Variants in IGSF9B observed in about 807,000 individuals in gnomAD.
IGSF9B encodes protein turtle homolog B.
In IGSF9B, 48 loss-of-function variants were observed where a neutral mutation model predicts 143.7. The ratio of observed to expected loss-of-function variants is 0.33; its 90% CI spans 0.26 to 0.42. The LOEUF is 0.42. IGSF9B is among the 20% of genes least tolerant of loss of function. The pLI, the probability that IGSF9B is intolerant of heterozygous loss-of-function variation, is 1.00. For missense variants in IGSF9B, 1,706 were observed against 1,980.0 expected, an observed-to-expected ratio of 0.86 and a Z score of 2.63; for synonymous variants, 903 against 833.1, an observed-to-expected ratio of 1.08 and a Z score of -1.44.
At position 133,919,967 on chromosome 11, in the gene IGSF9B, G is replaced by C. The variant is rs371578487; in HGVS notation, c.3758C>G (p.Pro1253Arg). 5.7e-6 allele frequency: 9 copies of C among 1,566,700 alleles called. No homozygotes were observed. In the East Asian group the frequency reaches 9.0e-5, roughly 16 times the overall value. Residue 1253 changes from proline (P) to arginine (R), a missense_variant, in exon 18 of 20, where the codon CCG becomes CGG. By Grantham distance (103) the Pro-to-Arg change is moderately radical (BLOSUM62 -2). Coordinates refer to ENST00000533871, the MANE Select transcript of IGSF9B (RefSeq NM_001277285.4). ...GCTCTGGGAGGGGGAGCCTGTGGAC[G>C]GCGTAGACTTTCGAGAAAAGCTGAC... The part of the protein sequence containing the change: ...AAVSFSRKST[P>R]STGSPSQSSR...
chr11:133,941,394 G>T (rs1939954010), intron 3 of IGSF9B, among the ~76,000 whole-genome samples: 1 of 152,238 alleles, frequency 6.6e-6, no homozygotes, highest in African/African-American at 2.4e-5. Context: ...GAAGGAAAAT[G>T]AGACAATTTG....
chr11:133,944,150 G>C lies in IGSF9B; in HGVS notation c.409+70C>G. 8.0e-6 allele frequency: 12 copies of C among 1,497,622 alleles called. No homozygotes were observed. The South Asian group carries it at 1.6e-4, about 20-fold the overall frequency. The allele number at this position is 1,497,622 out of a possible 1,614,324, so 92.8% of individuals were successfully genotyped here. ...GGGAGAAGGGCTTCCCCTGGGGCAG[G>C]CCCACCCCGGAAACAGCCCTCAGGC... On this transcript the variant is annotated intron_variant, in intron 3 of 19. Transcript: ENST00000533871.
chr11:133,914,584 A>G (rs1237053110), intron 18 of IGSF9B, among the ~76,000 whole-genome samples: 1 of 152,184 alleles, frequency 6.6e-6, no homozygotes, highest in Non-Finnish European at 1.5e-5. Flanking sequence ...CTTGAGAAAC[A>G]GCCAAGCTCC....
chr11:133,949,272 T>C (rs1940116591), intron 1 of IGSF9B, among the ~76,000 whole-genome samples: 1 of 152,096 alleles, frequency 6.6e-6, no homozygotes, highest in South Asian at 2.1e-4. Flanking sequence ...CCCTCTTGCT[T>C]TTCTGGATCC....
rs142598828 is a variant in IGSF9B at position 133,905,930 on chromosome 11, G to A, written c.*3139C>T. 1.3e-3 allele frequency among the ~76,000 whole-genome samples: 204 copies of A among 152,320 alleles called. No homozygotes were observed. Among genetic ancestry groups the A allele is most frequent in the African/African-American group, 4.5e-3 (187 of 41,584 alleles). On this transcript the variant is annotated 3_prime_UTR_variant, in exon 20 of 20. Coordinates refer to ENST00000533871, the MANE Select transcript of IGSF9B (RefSeq NM_001277285.4). The surrounding 1 kb of genome is among the most constrained non-coding windows in gnomAD (Gnocchi z 4.0). ...ACGCAAATGCAGTTGTCCAGGCCCC[G>A]CTAAGAACCGTTTTCCCCTCTTCCT...
chr11:133,922,775 G>T, intron 15 of IGSF9B, 45 bp from the exon 16 acceptor site: 1 of 1,506,022 alleles, frequency 6.6e-7, no homozygotes, highest in South Asian at 1.2e-5. Context: ...CCTTCCCCGG[G>T]ACCTCACCTG....
intron 12 of IGSF9B, 83 bp downstream of exon 12, chr11:133,929,588 C>G (rs565406413): frequency 6.9e-6 from 7 of 1,021,864 alleles, no homozygotes; most frequent in Admixed American, 3.6e-5. Context: ...CTACCTCCCC[C>G]CACCCGGGGT....
At chr11:133,952,738 C>G (rs1591728694) in intron 1 of IGSF9B, among the ~76,000 whole-genome samples, 1 of 152,014 alleles carries the variant, frequency 6.6e-6, no homozygotes, top group Non-Finnish European at 1.5e-5. Context: ...CATGCAGGGG[C>G]ACACACATAT....
intron 1 of IGSF9B, among the ~76,000 whole-genome samples, chr11:133,952,822 T>G (rs1417877247): frequency 3.9e-5 from 6 of 152,146 alleles, no homozygotes; most frequent in Non-Finnish European, 8.8e-5. Flanking sequence ...CACACACTTC[T>G]GGACAGCTGG....
intron 14 of IGSF9B, 54 bp downstream of exon 14, chr11:133,925,685 T>G: frequency 2.0e-6 from 3 of 1,492,492 alleles, no homozygotes; most frequent in Non-Finnish European, 1.8e-6. Context: ...GCCTCTAGAG[T>G]CTTGTCGCTT....
At chr11:133,915,413 C>T (rs562222575) in intron 18 of IGSF9B, among the ~76,000 whole-genome samples, 3 of 151,986 alleles carry the variant, frequency 2.0e-5, no homozygotes, top group African/African-American at 7.2e-5. Context: ...GGACTATAGG[C>T]ATGTGCCACC....
At position 133,897,767 on chromosome 11, in the gene IGSF9B, G is replaced by C. The variant is rs1469732960; in HGVS notation, c.*11302C>G. On this transcript the variant is annotated 3_prime_UTR_variant, in exon 20 of 20. Transcript: ENST00000533871. ...GAGTTACATACCTGAAGTTCAAAAA[G>C]TAAGCCTCTAGTTGCCATTCAAGTT... The C allele has an allele frequency of 1.3e-5, 2 of 152,236 alleles. No homozygotes were observed. Among genetic ancestry groups the C allele is most frequent in the Admixed American group, 1.3e-4 (2 of 15,284 alleles). 9.4% of individuals were successfully genotyped at this position (152,236 alleles called of 1,614,324 possible).
chr11:133,909,111 G>A lies in IGSF9B; in HGVS notation c.4272C>T (p.Asn1424=). Residue 1424 remains asparagine (N), a synonymous_variant, in exon 20 of 20, where the codon AAC becomes AAT. Coordinates refer to ENST00000533871, the MANE Select transcript of IGSF9B (RefSeq NM_001277285.4). This position sits in a 1 kb window ranked among gnomAD's most constrained non-coding sequence, Gnocchi z 4.2. The stretch of plus-strand genomic sequence containing the variant: ...GTCCTGGGTCATCGTGGTCCACACT[G>A]TTGAGAATCGCTGTCTGGTCTTCCG... ...QLPEDQTAIL[N]SVDHDDPGHA... The A allele has an allele frequency of 3.9e-6, 6 of 1,535,934 alleles. No individual in the cohort carries two copies. The highest frequency in any genetic ancestry group is 5.2e-6 in the Non-Finnish European group (6 of 1,146,754).
rs901142200 is a variant in IGSF9B at position 133,898,301 on chromosome 11, G to A, written c.*10768C>T. ...CTACAGCAAGAGGCTGCCGCGCACC[G>A]AGAGGTACAGAGTTTGTAAGGGGTC... On this transcript the variant is annotated 3_prime_UTR_variant, in exon 20 of 20. Transcript: ENST00000533871. The A allele has an allele frequency of 1.3e-5, 2 of 152,344 alleles. No individual in the cohort carries two copies. Among genetic ancestry groups the A allele is most frequent in the African/African-American group, 2.4e-5 (1 of 41,442 alleles). 9.4% of individuals were successfully genotyped at this position (152,344 alleles called of 1,614,324 possible). A position where few individuals can be genotyped will look rare whatever the true frequency, so the allele number is the denominator to read the frequency against.
At position 133,901,821 on chromosome 11, in the gene IGSF9B, CACACA is replaced by C; in HGVS notation, c.*7243_*7247del. On this transcript the variant is annotated 3_prime_UTR_variant, in exon 20 of 20. Transcript: ENST00000533871. Reference sequence around the variant, plus strand: ...ACCACACACAACAGACACACCACACCACACACACAAACACACACACACCACACACG... The same window carrying C: ...ACCACACACAACAGACACACCACACCCACAAACACACACACACCACACACG... Among the ~76,000 whole-genome samples, 1 of 147,686 alleles carries C rather than the reference CACACA, an allele frequency of 6.8e-6. No individual in the cohort carries two copies.
chr11:133,912,862 A>G (rs542982241), intron 18 of IGSF9B, among the ~76,000 whole-genome samples: 1 of 152,340 alleles, frequency 6.6e-6, no homozygotes, highest in African/African-American at 2.4e-5. Flanking sequence ...TGGTGGATCA[A>G]CTGCCCGGTT....
At position 133,920,113 on chromosome 11, in the gene IGSF9B, C is replaced by A. The variant is rs757041518; in HGVS notation, c.3612G>T (p.Leu1204=). The A allele has an allele frequency of 3.1e-5, 47 of 1,515,840 alleles. No individual in the cohort carries two copies. The highest frequency in any genetic ancestry group is 3.6e-4 in the Middle Eastern group (2 of 5,588). 93.9% of individuals were successfully genotyped at this position (1,515,840 alleles called of 1,614,324 possible). The change falls in exon 18 of 20, where the codon CTG becomes CTT. Residue 1204 remains leucine (L), a synonymous_variant. Coordinates refer to ENST00000533871, the MANE Select transcript of IGSF9B (RefSeq NM_001277285.4). ...TGCGGGAGCTGAGGGGGCTTTGGGT[C>A]AGAGGTGAGAGCCGGGAGGGCTGTA... is the stretch of plus-strand genomic sequence containing the variant. The part of the protein sequence containing the change: ...VVLQPSRLSP[L]TQSPLSSRTG...
At chr11:133,921,945 C>T (rs1939547572) in intron 17 of IGSF9B, among the ~76,000 whole-genome samples, 2 of 152,170 alleles carry the variant, frequency 1.3e-5, no homozygotes, top group Non-Finnish European at 2.9e-5. Flanking sequence ...TTTGGATCAT[C>T]TGCACTGCCA....
At chr11:133,942,313 G>A (rs775577627) in intron 3 of IGSF9B, among the ~76,000 whole-genome samples, 18 of 152,122 alleles carry the variant, frequency 1.2e-4, no homozygotes, top group Non-Finnish European at 2.2e-4. Flanking sequence ...CCGGAAGTCC[G>A]ACAGGTAAGT....
Sources: allele counts gnomAD v4.1 joint callset (sites outside exome capture counted in the v4.1 genomes callset), GRCh38; gene constraint gnomAD v4.1.1; non-coding constraint Gnocchi (gnomAD v3.1); transcripts MANE v1.5; gene names NCBI Gene and HGNC (gene_info 2026-07-23, HGNC 2026-07-21).